LTBP2: variants seen among roughly 807,000 people sequenced by gnomAD.
LTBP2 encodes latent-transforming growth factor beta-binding protein 2.
In LTBP2, 103 loss-of-function variants were observed where a neutral mutation model predicts 210.6. The ratio of observed to expected loss-of-function variants is 0.49; its 90% CI spans 0.42 to 0.58. LTBP2 has a LOEUF of 0.58. Ranked by LOEUF, LTBP2 falls within the 20% of genes least tolerant of loss-of-function variation. LTBP2 has a pLI of 0.00. For synonymous variants in LTBP2, 1,007 were observed against 1,015.0 expected, an observed-to-expected ratio of 0.99 and a Z score of 0.15; for missense variants, 2,313 against 2,494.5, an observed-to-expected ratio of 0.93 and a Z score of 1.55.
Position 74,594,244 on chromosome 14 carries a change from C to T in LTBP2, c.566-8126G>A, listed in dbSNP as rs1288272716. 4.6e-5 allele frequency among the ~76,000 whole-genome samples: 7 copies of T among 152,174 alleles called. No homozygotes were observed. The East Asian group carries it at 5.8e-4, about 13-fold the overall frequency. Reference sequence around the variant, plus strand: ...ACCCCCCGGGCAAGGCGTTTGTCATCGGCTCTCTCTCCTGGGCCCCAGAGA... The same window carrying T: ...ACCCCCCGGGCAAGGCGTTTGTCATTGGCTCTCTCTCCTGGGCCCCAGAGA... On this transcript the variant is annotated intron_variant, in intron 2 of 35. Coordinates refer to ENST00000261978, the MANE Select transcript of LTBP2 (RefSeq NM_000428.3).
At chr14:74,507,782 A>G (rs2087009516) in intron 25 of LTBP2, among the ~76,000 whole-genome samples, 191 bp downstream of exon 25, 1 of 152,266 alleles carries the variant, frequency 6.6e-6, no homozygotes, top group Non-Finnish European at 1.5e-5. Flanking sequence ...GTGCTCTGCC[A>G]GCACGAAGAT....
At chr14:74,559,133 T>G (rs1238802427) in intron 3 of LTBP2, among the ~76,000 whole-genome samples, 1 of 152,218 alleles carries the variant, frequency 6.6e-6, no homozygotes, top group Non-Finnish European at 1.5e-5. Context: ...CAGTTTGGAC[T>G]AAATACATCT....
At chr14:74,596,269 T>TATA (rs1555353661) in intron 2 of LTBP2, among the ~76,000 whole-genome samples, 5,845 of 119,082 alleles carry the variant, frequency 0.049, 145 homozygotes, top group Middle Eastern at 0.066. Flanking sequence ...AAATAAAAAT[T>TATA]AAAAACAAAG....
intron 6 of LTBP2, 58 bp from the exon 7 acceptor site, chr14:74,551,408 C>T (rs2087655505): frequency 5.4e-6 from 8 of 1,470,090 alleles, no homozygotes; most frequent in Admixed American, 4.7e-5. Context: ...TCATTTCCAA[C>T]CCTCTGAAGG....
chr14:74,612,219 C>A lies in LTBP2; in HGVS notation c.-275G>T. 1 of 445,026 alleles carries A rather than the reference C, an allele frequency of 2.2e-6. No homozygotes were observed. Among genetic ancestry groups the A allele is most frequent in the Non-Finnish European group, 3.9e-6 (1 of 254,026 alleles). The allele number at this position is 445,026 out of a possible 1,614,324, so 27.6% of individuals were successfully genotyped here. A position where few individuals can be genotyped will look rare whatever the true frequency, so the allele number is the denominator to read the frequency against. ...TGCCTGCAGCCGTCTGAAGGGGACC[C>A]GGACGGTTTTATTTTTGGAAACCTC... On this transcript the variant is annotated 5_prime_UTR_variant, in exon 1 of 36. Transcript: ENST00000261978.
chr14:74,545,914 C>T (rs1487559673), intron 8 of LTBP2, among the ~76,000 whole-genome samples: 1 of 152,190 alleles, frequency 6.6e-6, no homozygotes, highest in African/African-American at 2.4e-5. Flanking sequence ...GACTGACTCC[C>T]GGGCCAGCTC....
intron 3 of LTBP2, among the ~76,000 whole-genome samples, chr14:74,576,777 C>T (rs549371389): frequency 6.6e-6 from 1 of 151,950 alleles, no homozygotes; most frequent in Non-Finnish European, 1.5e-5. Flanking sequence ...CCTCAAGGGC[C>T]TCATTAAGGA....
rs777184325 is a variant in LTBP2 at position 74,506,205 on chromosome 14, G to GA, written c.4034-15dup. On this transcript the variant is annotated splice_polypyrimidine_tract_variant and intron_variant, in intron 27 of 35. Coordinates refer to ENST00000261978, the MANE Select transcript of LTBP2 (RefSeq NM_000428.3). ...ACTCGTTCACATCTGCCAGGTGTGA[G>GA]AACAGGCTCGTGGGCAGAAAAGAGG... 3.1e-6 allele frequency: 5 copies of GA among 1,614,130 alleles called. No homozygotes were observed. Among genetic ancestry groups the GA allele is most frequent in the Non-Finnish European group, 4.2e-6 (5 of 1,180,030 alleles).
chr14:74,587,136 G>A (rs552441767), intron 2 of LTBP2, among the ~76,000 whole-genome samples: 4 of 152,246 alleles, frequency 2.6e-5, no homozygotes, highest in Non-Finnish European at 4.4e-5. Flanking sequence ...TATGGAGTCC[G>A]GCCCCTCCCC....
chr14:74,590,527 C>T (rs1347765530), intron 2 of LTBP2, among the ~76,000 whole-genome samples: 2 of 152,122 alleles, frequency 1.3e-5, no homozygotes, highest in African/African-American at 2.4e-5. Context: ...ATCACTTAAA[C>T]CCAGGAGTGA....
rs764786694 is a variant in LTBP2, at chr14:74,507,988, T to C, written c.3760A>G (p.Ser1254Gly). 2.3e-5 allele frequency: 37 copies of C among 1,613,418 alleles called. No individual in the cohort carries two copies. Among genetic ancestry groups the C allele is most frequent in the East Asian group, 6.7e-5 (3 of 44,880 alleles). The change falls in exon 25 of 36, where the codon AGT becomes GGT. Residue 1254 changes from serine to glycine, a missense_variant. Physicochemically the swap from Ser to Gly is moderately conservative, Grantham distance 56. Transcript: ENST00000261978. ...CETGFQPSPE[S>G]GECVDIDECE... ...GAGCCCTTACCCACACACTCTCCAC[T>C]CTCTGGGGAGGGCTGGAAGCCAGTC...
intron 8 of LTBP2, among the ~76,000 whole-genome samples, chr14:74,540,845 ATAT>A (rs1469052371): frequency 3.5e-4 from 11 of 31,484 alleles, no homozygotes; most frequent in African/African-American, 7.1e-4. Flanking sequence ...ATATTTATAT[ATAT>A]TATATATATT....
chr14:74,582,919 C>G (rs1367845436), intron 3 of LTBP2, among the ~76,000 whole-genome samples: 1 of 152,232 alleles, frequency 6.6e-6, no homozygotes, highest in Non-Finnish European at 1.5e-5. Context: ...AGCCCTCTCC[C>G]ATCTCTCCAG....
intron 18 of LTBP2, among the ~76,000 whole-genome samples, chr14:74,511,584 A>T (rs2087072152): frequency 2.0e-5 from 3 of 151,728 alleles, no homozygotes; most frequent in African/African-American, 7.3e-5. Flanking sequence ...AGAAAGGGAG[A>T]CTCCCTGGGT....
chr14:74,525,224 C>T lies in LTBP2; in HGVS notation c.2430G>A (p.Gly810=). Residue 810 remains glycine (G), a splice_region_variant and synonymous_variant, in exon 15 of 36, where the codon GGG becomes GGA. Coordinates refer to ENST00000261978, the MANE Select transcript of LTBP2 (RefSeq NM_000428.3). ...CAGGCATTGGTGGGGTTGTGGCATT[C>T]CCTGTGGAGGAGAGAGGGGAAGAGG... ...SVTHAPAWVT[G]NATTPPMPEQ... is the part of the protein sequence containing the mutation. The T allele has an allele frequency of 7.6e-7, 1 of 1,323,054 alleles. No homozygotes were observed. Among genetic ancestry groups the T allele is most frequent in the Non-Finnish European group, 9.7e-7 (1 of 1,026,104 alleles). 82.0% of individuals were successfully genotyped at this position (1,323,054 alleles called of 1,614,324 possible). A position where few individuals can be genotyped will look rare whatever the true frequency, so the allele number is the denominator to read the frequency against.
rs761168023 is a variant in LTBP2 at position 74,505,224 on chromosome 14, G to A, written c.4178-50C>T. The A allele has an allele frequency of 5.1e-6, 8 of 1,582,576 alleles. No individual in the cohort carries two copies. In the South Asian group the frequency reaches 8.9e-5, roughly 18 times the overall value. On this transcript the variant is annotated intron_variant, in intron 28 of 35. Coordinates refer to ENST00000261978, the MANE Select transcript of LTBP2 (RefSeq NM_000428.3). ...TGTCTGTTCATGACCCTCTAAGGGG[G>A]GTCAATAGTCCTTGACTTTATTTCT...
chr14:74,577,567 G>A (rs532875173), intron 3 of LTBP2, among the ~76,000 whole-genome samples: 1 of 149,434 alleles, frequency 6.7e-6, no homozygotes, highest in South Asian at 2.1e-4. Flanking sequence ...GGAGTACAGT[G>A]GCGCAATCTC....
In LTBP2 at chr14:74,551,270, C is replaced by T; in HGVS notation, c.1480G>A (p.Val494Met). 2 of 1,609,126 alleles carry T rather than the reference C, an allele frequency of 1.2e-6. No homozygotes were observed. Among genetic ancestry groups the T allele is most frequent in the Non-Finnish European group, 1.7e-6 (2 of 1,178,072 alleles). ...ASVQIHQVAQ[V>M]RGGVEEALVE... ...AGGGCCTCCTCCACCCCGCCCCGCA[C>T]CTGGGCCACCTGGTGGATCTGCACT... Residue 494 changes from valine to methionine, a missense_variant, in exon 7 of 36, where the codon GTG becomes ATG. Val to Met is a conservative substitution (Grantham distance 21). Around this residue, in one of 3 missense-constraint regions of LTBP2, gnomAD observed 1,867 missense variants for 1,976.9 expected, o/e 0.94. Transcript: ENST00000261978.
intron 1 of LTBP2, among the ~76,000 whole-genome samples, chr14:74,604,164 C>CAAACAAAAAAAAAAAAAAAAAAA (rs1273987376): frequency 5.5e-5 from 4 of 72,734 alleles, no homozygotes; most frequent in African/African-American, 3.0e-4. Flanking sequence ...TGCCTCTCAC[C>CAAACAAAAAAAAAAAAAAAAAAA]AAAAAAAAAA....
Sources: gnomAD v4.1 joint callset for allele counts (sites outside exome capture counted in the v4.1 genomes callset) on GRCh38, gnomAD v4.1.1 for gene constraint, gnomAD v4.1.1 regional missense constraint, MANE v1.5 for transcripts, NCBI Gene and HGNC (gene_info 2026-07-23, HGNC 2026-07-21) for gene names.